Variants in CAPN7 observed in about 807,000 individuals in gnomAD.
CAPN7 encodes calpain-7.
Under a neutral mutation model 115.2 loss-of-function variants are expected in CAPN7, and 72 were observed. The observed-to-expected ratio is 0.63, with a 90% CI of 0.52 to 0.76. The LOEUF (loss-of-function observed/expected upper bound fraction) is 0.76, where lower values mean the gene tolerates loss of function less well. Among genes scored for constraint, CAPN7 ranks in the 30% least tolerant of loss-of-function variants. The probability of loss-of-function intolerance (pLI) is 0.00; values close to 1 mark genes in which losing one functional copy is unlikely to be tolerated. For missense variants in CAPN7, 905 were observed against 971.5 expected (o/e 0.93, Z 0.91); for synonymous variants, 344 against 322.3 (o/e 1.07, Z -0.72).
At chr3:15,220,347 A>C (rs6786321) in intron 4 of CAPN7, among the ~76,000 whole-genome samples, 7,973 of 152,282 alleles carry the variant, frequency 0.052, 730 homozygotes, top group African/African-American at 0.18. Context: ...GCATCAGTTC[A>C]GAGCACCCTT....
At chr3:15,228,665 A>G (rs564222687) in intron 7 of CAPN7, among the ~76,000 whole-genome samples, 1 of 152,354 alleles carries the variant, frequency 6.6e-6, no homozygotes, top group South Asian at 2.1e-4. Context: ...TGATGAGAAC[A>G]GCTTAAAAGA....
At chr3:15,211,674 C>G (rs2124869125) in intron 1 of CAPN7, among the ~76,000 whole-genome samples, 1 of 151,970 alleles carries the variant, frequency 6.6e-6, no homozygotes, top group South Asian at 2.1e-4. Flanking sequence ...GTGGGCAGAT[C>G]ACTTGAGGCC....
intron 1 of CAPN7, among the ~76,000 whole-genome samples, 168 bp downstream of exon 1, chr3:15,206,765 G>C (rs994749409): frequency 8.5e-5 from 13 of 152,368 alleles, no homozygotes; most frequent in Admixed American, 7.2e-4. Flanking sequence ...CGAGTGCAGA[G>C]GCCGACGCTG....
chr3:15,220,887 A>AATCC lies in CAPN7; in HGVS notation c.545_548dup (p.Phe184SerfsTer4). The stretch of plus-strand genomic sequence containing the variant: ...GAGAGCACATTTTCCACTGGGCGCT[A>AATCC]ATCCCTTCCTTGAAAGACCTCAGTC... On this transcript the variant is annotated frameshift_variant, in exon 5 of 21. Coordinates refer to ENST00000253693, the MANE Select transcript of CAPN7 (RefSeq NM_014296.3). LOFTEE classifies it high-confidence loss of function. 6.2e-7 allele frequency: 1 copy of AATCC among 1,614,202 alleles called. No homozygotes were observed. Among genetic ancestry groups the AATCC allele is most frequent in the East Asian group, 2.2e-5 (1 of 44,882 alleles).
In CAPN7 at chr3:15,210,612, TTG is replaced by T. The variant is rs1553604819; in HGVS notation, c.103-1491_103-1490del. The stretch of plus-strand genomic sequence containing the variant: ...GCTTCCTTCCTTTTTTTTTTTTTTT[TTG>T]GACAGTATCTTACTCTGTCACCCAG... On this transcript the variant is annotated intron_variant, in intron 1 of 20. Coordinates refer to ENST00000253693, the MANE Select transcript of CAPN7 (RefSeq NM_014296.3). 3.7e-4 allele frequency among the ~76,000 whole-genome samples: 55 copies of T among 147,106 alleles called. 2 individuals carry two copies. Among genetic ancestry groups the T allele is most frequent in the African/African-American group, 1.4e-3 (53 of 38,132 alleles).
In CAPN7 at chr3:15,247,150, A is replaced by AGG. The variant is rs1014904557; in HGVS notation, c.2074-174_2074-173dup. 1.0e-5 allele frequency: 6 copies of AGG among 582,584 alleles called. No homozygotes were observed. The African/African-American group carries it at 1.2e-4, about 11-fold the overall frequency. The allele number at this position is 582,584 out of a possible 1,614,324, so 36.1% of individuals were successfully genotyped here. ...TGATTAGAGGCTAAGAGATGGAAAT[A>AGG]GGGGTTAGTGGAGCAAAGCAGCCTG... On this transcript the variant is annotated intron_variant, in intron 18 of 20. Coordinates refer to ENST00000253693, the MANE Select transcript of CAPN7 (RefSeq NM_014296.3).
chr3:15,230,356 A>C, intron 8 of CAPN7, 86 bp from the exon 9 acceptor site: 2 of 737,900 alleles, frequency 2.7e-6, no homozygotes, highest in Non-Finnish European at 4.6e-6. Flanking sequence ...CCAAGACGGT[A>C]GTATATACCT....
intron 2 of CAPN7, among the ~76,000 whole-genome samples, chr3:15,214,867 G>A (rs1478923898): frequency 6.6e-6 from 1 of 152,206 alleles, no homozygotes; most frequent in East Asian, 1.9e-4. Flanking sequence ...CCCCCCAGGG[G>A]ACATTTGGCA....
Position 15,223,578 on chromosome 3 carries a change from G to T in CAPN7, c.725+17G>T. The T allele has an allele frequency of 6.8e-7, 1 of 1,463,240 alleles. No homozygotes were observed. The highest frequency in any genetic ancestry group is 1.2e-5 in the South Asian group (1 of 82,206). The allele number at this position is 1,463,240 out of a possible 1,614,324, so 90.6% of individuals were successfully genotyped here. ...GCCTTTCTGGTAAGTAAGCACTGTT[G>T]CAATTTTTAACTCCAATATTTTAAC... is the stretch of plus-strand genomic sequence containing the variant. On this transcript the variant is annotated intron_variant, in intron 6 of 20. Transcript: ENST00000253693.
intron 19 of CAPN7, among the ~76,000 whole-genome samples, chr3:15,249,264 T>G (rs1695861372): frequency 6.6e-6 from 1 of 152,222 alleles, no homozygotes; most frequent in African/African-American, 2.4e-5. Flanking sequence ...GAACATGTAA[T>G]AATGTTCATT....
At chr3:15,239,168 G>C (rs1695191350) in intron 12 of CAPN7, among the ~76,000 whole-genome samples, 1 of 152,118 alleles carries the variant, frequency 6.6e-6, no homozygotes, top group South Asian at 2.1e-4. Context: ...AGCTTCTAGG[G>C]AATATAGCCT....
chr3:15,230,610 T>A (rs1190827767), intron 9 of CAPN7, 75 bp downstream of exon 9: 2 of 863,158 alleles, frequency 2.3e-6, no homozygotes, highest in Admixed American at 1.9e-5. Flanking sequence ...GTGAAATCAT[T>A]AAGAAATGTC....
intron 12 of CAPN7, among the ~76,000 whole-genome samples, chr3:15,235,352 T>C (rs542611525): frequency 2.0e-5 from 3 of 152,328 alleles, no homozygotes; most frequent in African/African-American, 4.8e-5. Context: ...GCACAGATAC[T>C]GATGACAGAA....
chr3:15,241,469 C>G lies in CAPN7; in HGVS notation c.1669C>G (p.Gln557Glu). The part of the protein sequence containing the change: ...TCIHSTWDAK[Q>E]GPVKDAYSLA... ...ATCTTTTAGTACTTGGGATGCTAAG[C>G]AAGGACCTGTGAAAGATGCCTATAG... The change falls in exon 15 of 21, where the codon CAA (glutamine) becomes GAA (glutamate). Residue 557 changes from glutamine to glutamate, a missense_variant. Coordinates refer to ENST00000253693, the MANE Select transcript of CAPN7 (RefSeq NM_014296.3). 2 of 1,613,958 alleles carry G rather than the reference C, an allele frequency of 1.2e-6. No individual in the cohort carries two copies. The highest frequency in any genetic ancestry group is 4.5e-5 in the East Asian group (2 of 44,882).
At chr3:15,211,050 G>A in intron 1 of CAPN7, 2 of 492,626 alleles carry the variant, frequency 4.1e-6, no homozygotes, top group South Asian at 7.6e-5. Flanking sequence ...TGGAAGTTAT[G>A]GAATAACTGG....
Position 15,232,536 on chromosome 3 carries a change from G to C in CAPN7, c.1050G>C (p.Gln350His), listed in dbSNP as rs373963706. ...GVPRKVIIDD[Q>H]LPVDHKGELL... Reference sequence around the variant, plus strand: ...TTCTCCAGGTGATAATTGATGACCAGTTACCTGTTGATCACAAGGGAGAAT... The same window carrying C: ...TTCTCCAGGTGATAATTGATGACCACTTACCTGTTGATCACAAGGGAGAAT... The change falls in exon 10 of 21, where the codon CAG becomes CAC. Residue 350 changes from glutamine to histidine, a missense_variant. By Grantham distance (24) the Gln-to-His change is conservative. Around this residue, in one of 3 missense-constraint regions of CAPN7, gnomAD observed 620 missense variants for 703.4 expected, o/e 0.88. Coordinates refer to ENST00000253693, the MANE Select transcript of CAPN7 (RefSeq NM_014296.3). 3.9e-4 allele frequency: 635 copies of C among 1,609,434 alleles called. 6 individuals carry two copies. The South Asian group carries it at 6.6e-3, about 17-fold the overall frequency.
At chr3:15,246,891 G>T in intron 18 of CAPN7, 97 bp downstream of exon 18, 2 of 973,046 alleles carry the variant, frequency 2.1e-6, no homozygotes, top group Non-Finnish European at 3.1e-6. Context: ...TTTAGCAAAG[G>T]CTTCACAGGA....
rs556035163 is a variant in CAPN7 at position 15,221,081 on chromosome 3, A to G, written c.638+100A>G. The G allele has an allele frequency of 2.5e-4, 219 of 893,018 alleles. 2 individuals carry two copies. The South Asian group carries it at 2.9e-3, about 12-fold the overall frequency. The allele number at this position is 893,018 out of a possible 1,614,324, so 55.3% of individuals were successfully genotyped here. A position where few individuals can be genotyped will look rare whatever the true frequency, so the allele number is the denominator to read the frequency against. ...GCTGAATTGTATTCAGATTTCTCCT[A>G]TAGTGTATTGTGCTGTTATTATGTA... On this transcript the variant is annotated intron_variant, in intron 5 of 20. Transcript: ENST00000253693.
intron 2 of CAPN7, among the ~76,000 whole-genome samples, chr3:15,217,224 G>C (rs551451192): frequency 6.6e-6 from 1 of 151,782 alleles, no homozygotes; most frequent in Non-Finnish European, 1.5e-5. Context: ...CTCTAGCCTG[G>C]GTAACAGAGC....
Sources: gnomAD v4.1 joint callset for allele counts (sites outside exome capture counted in the v4.1 genomes callset) on GRCh38, gnomAD v4.1.1 for gene constraint, gnomAD v4.1.1 regional missense constraint, MANE v1.5 for transcripts, NCBI Gene and HGNC (gene_info 2026-07-23, HGNC 2026-07-21) for gene names.